DMD: variants seen among roughly 807,000 people sequenced by gnomAD.
DMD encodes the protein mutant dystrophin.
Under a neutral mutation model 330.1 loss-of-function variants are expected in DMD, and 63 were observed. The observed-to-expected ratio is 0.19, with a 90% CI of 0.16 to 0.24. The LOEUF (loss-of-function observed/expected upper bound fraction) is 0.24, where lower values mean the gene tolerates loss of function less well. Ranked by LOEUF, DMD falls within the 10% of genes least tolerant of loss-of-function variation. The pLI, the probability that DMD is intolerant of heterozygous loss-of-function variation, is 1.00. For missense variants in DMD, 3,344 were observed against 2,684.1 expected, an observed-to-expected ratio of 1.25 and a Z score of -5.43; for synonymous variants, 1,223 against 959.8, an observed-to-expected ratio of 1.27 and a Z score of -5.07.
intron 2 of DMD, among the ~76,000 whole-genome samples, chrX:32,961,748 A>C (rs2091906074): frequency 9.0e-6 from 1 of 111,533 alleles, no homozygotes; most frequent in African/African-American, 3.3e-5. Flanking sequence ...ACTGCTATGT[A>C]ATTTCCAGGC....
intron 29 of DMD, among the ~76,000 whole-genome samples, chrX:32,426,439 G>T (rs892110398): frequency 9.0e-6 from 1 of 111,404 alleles, no homozygotes; most frequent in Non-Finnish European, 1.9e-5. Flanking sequence ...ATGCCATCTC[G>T]CACCAGTCAA....
At chrX:31,536,098 G>C (rs770213289) in intron 55 of DMD, among the ~76,000 whole-genome samples, 1 of 111,875 alleles carries the variant, frequency 8.9e-6, no homozygotes. Context: ...TATCCTGGGA[G>C]TTAAAATCTC....
At chrX:32,955,385 G>GT (rs761224519) in intron 2 of DMD, among the ~76,000 whole-genome samples, 8 of 9,334 alleles carry the variant, frequency 8.6e-4, no homozygotes, top group African/African-American at 1.0e-3. Context: ...TTTTTAGTAG[G>GT]GTTTTTTTTT....
At chrX:32,725,470 C>G (rs1229261687) in intron 7 of DMD, among the ~76,000 whole-genome samples, 2 of 110,150 alleles carry the variant, frequency 1.8e-5, no homozygotes, top group Non-Finnish European at 3.8e-5. Flanking sequence ...CAATGGAAAC[C>G]AAAAAACAGC....
At chrX:33,102,570 A>G (rs756811984) in intron 1 of DMD, among the ~76,000 whole-genome samples, 69 of 111,464 alleles carry the variant, frequency 6.2e-4, no homozygotes, top group Non-Finnish European at 1.1e-3. Context: ...TAGGATTGAA[A>G]TCTTCCTAAA....
At chrX:33,008,779 A>T (rs1317492440) in intron 2 of DMD, among the ~76,000 whole-genome samples, 1 of 37,307 alleles carries the variant, frequency 2.7e-5, no homozygotes, top group Non-Finnish European at 5.2e-5. Flanking sequence ...TATAACCTAA[A>T]ACAACTATAT....
chrX:32,333,305 T>G (rs1234618027), intron 41 of DMD, among the ~76,000 whole-genome samples: 3 of 111,955 alleles, frequency 2.7e-5, no homozygotes, highest in Admixed American at 1.9e-4. Context: ...AAACGGTTTC[T>G]GTGTGTCTGA....
chrX:32,789,487 C>A (rs900455115), intron 7 of DMD, among the ~76,000 whole-genome samples: 6 of 112,133 alleles, frequency 5.4e-5, no homozygotes, highest in African/African-American at 1.9e-4. Context: ...GCTGATGTCA[C>A]AGCCCGTCCT....
chrX:32,999,178 A>G (rs2093208767), intron 2 of DMD, among the ~76,000 whole-genome samples: 2 of 112,914 alleles, frequency 1.8e-5, no homozygotes, highest in African/African-American at 6.4e-5. Context: ...AAAAAATGTT[A>G]GCTTTGAAGC....
chrX:33,243,442 T>C (rs760855560), intron 1 of DMD, among the ~76,000 whole-genome samples: 5 of 112,018 alleles, frequency 4.5e-5, no homozygotes, highest in Non-Finnish European at 7.5e-5. Flanking sequence ...AATGCTTAAA[T>C]ACGGTTGGTG....
rs187436816 is a variant in DMD, at chrX:32,399,461, C to A, written c.4234-9280G>T. On this transcript the variant is annotated intron_variant, in intron 30 of 78. Coordinates refer to ENST00000357033, the MANE Select transcript of DMD (RefSeq NM_004006.3). ...CTTTTTTTTGAAAGAAGATAAATGA[C>A]AAACGGGTATATGAAAAGGGTCTCA... Among the ~76,000 whole-genome samples the A allele has an allele frequency of 1.7e-3, 187 of 111,438 alleles. 1 individual carries two copies. The highest frequency in any genetic ancestry group is 4.4e-3 in the Admixed American group (46 of 10,499).
intron 1 of DMD, among the ~76,000 whole-genome samples, chrX:33,035,576 A>C (rs1487962702): frequency 9.8e-5 from 11 of 111,957 alleles, no homozygotes; most frequent in Non-Finnish European, 2.1e-4. Context: ...GACATAATGT[A>C]ATACAGTAAT....
chrX:32,580,982 AC>A (rs1300396062), intron 13 of DMD, among the ~76,000 whole-genome samples: 5 of 110,591 alleles, frequency 4.5e-5, no homozygotes. Flanking sequence ...GTGAGACACC[AC>A]ACCTGGCTCT....
chrX:32,501,700 C>T, intron 19 of DMD, 55 bp downstream of exon 19: 1 of 884,446 alleles, frequency 1.1e-6, no homozygotes, highest in African/African-American at 1.9e-5. Flanking sequence ...TAAATATGAA[C>T]CTATGTGTTT....
At chrX:31,640,081 C>T (rs770217085) in intron 54 of DMD, among the ~76,000 whole-genome samples, 2 of 111,905 alleles carry the variant, frequency 1.8e-5, no homozygotes, top group East Asian at 5.6e-4. Flanking sequence ...CTGTGACTAT[C>T]GGTGAACCGG....
At chrX:33,298,027 T>C (rs2053608354) in intron 1 of DMD, among the ~76,000 whole-genome samples, 1 of 111,348 alleles carries the variant, frequency 9.0e-6, no homozygotes, top group South Asian at 3.7e-4. Flanking sequence ...GTGTTGTATA[T>C]CTTAAATATA....
intron 60 of DMD, among the ~76,000 whole-genome samples, chrX:31,431,759 A>C (rs1386575172): frequency 9.0e-6 from 1 of 111,174 alleles, no homozygotes; most frequent in East Asian, 2.8e-4. Context: ...GATATGATGC[A>C]ACTGTTGAAC....
intron 47 of DMD, among the ~76,000 whole-genome samples, chrX:31,906,701 T>C (rs2094482820): frequency 9.0e-6 from 1 of 110,930 alleles, no homozygotes; most frequent in Non-Finnish European, 1.9e-5. Flanking sequence ...TTTCCAGAGA[T>C]ATCCTTGTAT....
chrX:32,599,274 C>T (rs808532), intron 12 of DMD, among the ~76,000 whole-genome samples: 57,378 of 109,941 alleles, frequency 0.52, 12,353 homozygotes, highest in African/African-American at 0.83. Flanking sequence ...TACTTTTACA[C>T]TGATTCTTAC....
Sources: gnomAD v4.1 joint callset for allele counts (sites outside exome capture counted in the v4.1 genomes callset) on GRCh38, gnomAD v4.1.1 for gene constraint, MANE v1.5 for transcripts, NCBI Gene and HGNC (gene_info 2026-07-23, HGNC 2026-07-21) for gene names.